KDM6A: variants seen among roughly 807,000 people sequenced by gnomAD.
KDM6A encodes lysine demethylase 6A.
In KDM6A, 11 loss-of-function variants were observed where a neutral mutation model predicts 117.6. The ratio of observed to expected loss-of-function variants is 0.09; its 90% CI spans 0.06 to 0.15. KDM6A has a LOEUF of 0.15. KDM6A is among the 10% of genes least tolerant of loss of function. The pLI, the probability that KDM6A is intolerant of heterozygous loss-of-function variation, is 1.00. For missense variants in KDM6A, 799 were observed against 1,077.3 expected, an observed-to-expected ratio of 0.74 and a Z score of 3.62; for synonymous variants, 384 against 396.1, an observed-to-expected ratio of 0.97 and a Z score of 0.36.
rs1383547449 is a variant in KDM6A, at chrX:45,068,823, T to TCTTTCTCTTTCC, written c.2080-751_2080-750insTCTTTCCCTTTC. 3.9e-3 allele frequency among the ~76,000 whole-genome samples: 377 copies of TCTTTCTCTTTCC among 95,782 alleles called. 3 individuals carry two copies. The highest frequency in any genetic ancestry group is 0.021 in the Middle Eastern group (4 of 193). The allele number at this position is 95,782 out of a possible 115,157, so 83.2% of individuals were successfully genotyped here. ...CTCTTTCTCTTTCTCTTTCTCTTTC[T>TCTTTCTCTTTCC]CTTTCCCTTTCCCTTTCCCTTTCCC... On this transcript the variant is annotated intron_variant, in intron 17 of 29. Transcript: ENST00000611820.
intron 2 of KDM6A, among the ~76,000 whole-genome samples, chrX:44,947,244 C>G (rs2037696601): frequency 9.0e-6 from 1 of 110,796 alleles, no homozygotes; most frequent in South Asian, 3.8e-4. Flanking sequence ...TTCTTTTAGG[C>G]CAGGAATGTG....
chrX:44,908,547 T>G (rs1372486797), intron 2 of KDM6A, among the ~76,000 whole-genome samples: 2 of 111,426 alleles, frequency 1.8e-5, no homozygotes, highest in East Asian at 5.6e-4. Context: ...GTGGCTCGTT[T>G]AAGGTAGTTA....
chrX:45,027,996 A>G (rs145512245), intron 6 of KDM6A, among the ~76,000 whole-genome samples: 5 of 110,371 alleles, frequency 4.5e-5, no homozygotes, highest in East Asian at 5.7e-4. Context: ...GTTTCATCGT[A>G]TGGTCAGGCT....
At chrX:44,986,797 C>A (rs377365310) in intron 4 of KDM6A, among the ~76,000 whole-genome samples, 52 of 111,862 alleles carry the variant, frequency 4.6e-4, no homozygotes, top group South Asian at 2.2e-3. Flanking sequence ...AATTTCTGTT[C>A]TTTTACATTT....
chrX:45,086,400 G>A (rs931115128), intron 25 of KDM6A, among the ~76,000 whole-genome samples: 1 of 112,064 alleles, frequency 8.9e-6, no homozygotes, highest in African/African-American at 3.2e-5. Context: ...GCCATATCAT[G>A]ATATAAATTC....
intron 10 of KDM6A, among the ~76,000 whole-genome samples, chrX:45,056,132 T>TA (rs1371266427): frequency 9.0e-6 from 1 of 111,629 alleles, no homozygotes; most frequent in East Asian, 2.8e-4. Flanking sequence ...AAAGGATACT[T>TA]ATCACAATTT....
chrX:45,102,599 T>G (rs1403635537), intron 27 of KDM6A, among the ~76,000 whole-genome samples: 1 of 111,747 alleles, frequency 8.9e-6, no homozygotes, highest in African/African-American at 3.3e-5. Context: ...TAGTTAGCAT[T>G]GATCCTAGTG....
In KDM6A at chrX:45,011,036, C is replaced by T. The variant is rs765379617; in HGVS notation, c.443+17C>T. ...ATTTCAGTGGTAAGTTGACATAAAA[C>T]CAGTAATTCAGTCATTTTCAGTAAA... is the stretch of plus-strand genomic sequence containing the variant. On this transcript the variant is annotated intron_variant, in intron 5 of 29. Transcript: ENST00000611820. 31 of 1,130,821 alleles carry T rather than the reference C, an allele frequency of 2.7e-5. No homozygotes were observed. Among genetic ancestry groups the T allele is most frequent in the Middle Eastern group, 2.4e-4 (1 of 4,186 alleles). The allele number at this position is 1,130,821 out of a possible 1,213,427, so 93.2% of individuals were successfully genotyped here.
At chrX:45,083,992 GTA>G (rs1569538597) in intron 24 of KDM6A, among the ~76,000 whole-genome samples, 2 of 111,902 alleles carry the variant, frequency 1.8e-5, no homozygotes, top group African/African-American at 6.5e-5. Context: ...GCACATGTAT[GTA>G]TACAGCAGCA....
chrX:45,107,291 T>A (rs1316795939), intron 27 of KDM6A, 119 bp from the exon 28 acceptor site: 1 of 696,446 alleles, frequency 1.4e-6, no homozygotes, highest in Non-Finnish European at 2.2e-6. Flanking sequence ...AAAGAAAAAT[T>A]ATGAAGTCAT....
intron 2 of KDM6A, among the ~76,000 whole-genome samples, chrX:44,910,748 T>C (rs2035050912): frequency 9.0e-6 from 1 of 110,553 alleles, no homozygotes; most frequent in South Asian, 3.8e-4. Context: ...AAGCACATCT[T>C]GCACCGACCT....
At chrX:45,000,652 G>A (rs1044179967) in intron 4 of KDM6A, among the ~76,000 whole-genome samples, 4 of 112,819 alleles carry the variant, frequency 3.5e-5, no homozygotes, top group African/African-American at 9.7e-5. Flanking sequence ...AAGGAACGCC[G>A]TTTCTTCCCT....
intron 2 of KDM6A, among the ~76,000 whole-genome samples, chrX:44,927,845 C>T (rs1227136919): frequency 9.0e-6 from 1 of 111,283 alleles, no homozygotes; most frequent in African/African-American, 3.3e-5. Context: ...AGACAACTAA[C>T]CAGAGACATC....
chrX:45,070,746 G>A (rs1326049744), intron 18 of KDM6A, among the ~76,000 whole-genome samples: 2 of 108,080 alleles, frequency 1.9e-5, no homozygotes, highest in Non-Finnish European at 3.8e-5. Context: ...TTAAATGTTA[G>A]GCTAGGAATG....
At chrX:44,937,191 T>C (rs1040786084) in intron 2 of KDM6A, among the ~76,000 whole-genome samples, 2 of 110,879 alleles carry the variant, frequency 1.8e-5, no homozygotes, top group African/African-American at 3.3e-5. Context: ...GAAATGATAC[T>C]ATAACCCTGA....
chrX:45,055,771 A>G (rs1044189967), intron 10 of KDM6A, among the ~76,000 whole-genome samples: 1 of 111,743 alleles, frequency 8.9e-6, no homozygotes, highest in Non-Finnish European at 1.9e-5. Context: ...AGGTTTATAT[A>G]TGAAAATTTC....
At chrX:45,088,346 G>A (rs773096130) in intron 25 of KDM6A, among the ~76,000 whole-genome samples, 12 of 113,032 alleles carry the variant, frequency 1.1e-4, no homozygotes, top group African/African-American at 3.8e-4. Flanking sequence ...CTAGATCATA[G>A]TTTGGCGATT....
At chrX:45,058,260 T>C in intron 10 of KDM6A, among the ~76,000 whole-genome samples, 1 of 109,759 alleles carries the variant, frequency 9.1e-6, no homozygotes, top group Non-Finnish European at 1.9e-5. Flanking sequence ...ACTGGGTTTT[T>C]GTTTTTTTTC....
At chrX:45,093,158 G>A (rs964815780) in intron 27 of KDM6A, among the ~76,000 whole-genome samples, 2 of 109,891 alleles carry the variant, frequency 1.8e-5, no homozygotes, top group African/African-American at 6.6e-5. Context: ...GAGGCGAGCC[G>A]GATCACTTGA....
Sources: gnomAD v4.1 joint callset for allele counts (sites outside exome capture counted in the v4.1 genomes callset) on GRCh38, gnomAD v4.1.1 for gene constraint, MANE v1.5 for transcripts, NCBI Gene and HGNC (gene_info 2026-07-23, HGNC 2026-07-21) for gene names.